Variants in NRP1 observed in about 807,000 individuals in gnomAD.
NRP1 encodes the protein neuropilin 1.
A neutral mutation model predicts 106.7 loss-of-function variants in NRP1; 35 were observed. The ratio of observed to expected loss-of-function variants is 0.33; its 90% CI spans 0.25 to 0.43. The LOEUF (loss-of-function observed/expected upper bound fraction) is 0.43, where lower values mean the gene tolerates loss of function less well. Among genes scored for constraint, NRP1 ranks in the 20% least tolerant of loss-of-function variants. NRP1 has a pLI of 1.00. For missense variants in NRP1, 1,024 were observed against 1,170.4 expected (o/e 0.87, Z 1.83); for synonymous variants, 437 against 417.9 (o/e 1.05, Z -0.56).
chr10:33,308,393 G>A (rs1846323089), intron 2 of NRP1, among the ~76,000 whole-genome samples: 1 of 149,292 alleles, frequency 6.7e-6, no homozygotes, highest in Admixed American at 6.7e-5. Context: ...ACATATATAT[G>A]TATATAATAT....
chr10:33,294,763 G>A (rs577735330), intron 2 of NRP1, among the ~76,000 whole-genome samples: 3 of 152,256 alleles, frequency 2.0e-5, no homozygotes, highest in African/African-American at 7.2e-5. Flanking sequence ...CAGGCGTAAG[G>A]GAACCTGGGA....
chr10:33,273,504 C>T (rs755076322), intron 2 of NRP1, among the ~76,000 whole-genome samples: 11 of 152,218 alleles, frequency 7.2e-5, no homozygotes, highest in Non-Finnish European at 4.4e-5. Context: ...ACCCAGCCTG[C>T]ATTGGCCTGA....
At chr10:33,258,725 G>C (rs1842369791) in intron 4 of NRP1, among the ~76,000 whole-genome samples, 1 of 152,184 alleles carries the variant, frequency 6.6e-6, no homozygotes, top group East Asian at 1.9e-4. Context: ...TCTTCATTCT[G>C]GATGTGGCCC....
At chr10:33,286,471 GT>G (rs775169611) in intron 2 of NRP1, among the ~76,000 whole-genome samples, 89 of 152,174 alleles carry the variant, frequency 5.8e-4, no homozygotes, top group Admixed American at 1.0e-3. Context: ...GTAGAGTCTT[GT>G]GATGAGAATG....
At chr10:33,191,868 C>T (rs1355978363) in intron 13 of NRP1, among the ~76,000 whole-genome samples, 3 of 149,414 alleles carry the variant, frequency 2.0e-5, no homozygotes, top group Non-Finnish European at 4.4e-5. Flanking sequence ...ATCCCAGGTA[C>T]TTGGGAGGCT....
intron 15 of NRP1, among the ~76,000 whole-genome samples, chr10:33,185,422 GA>G (rs1835936131): frequency 6.6e-6 from 1 of 152,204 alleles, no homozygotes; most frequent in African/African-American, 2.4e-5. Context: ...CAGCCATTAT[GA>G]AGGACCTAGG....
At position 33,221,843 on chromosome 10, in the gene NRP1, G is replaced by A. The variant is rs768452688; in HGVS notation, c.1158C>T (p.Asn386=). ...NKPVLFQGNT[N]PTDVVVAVFP... is the part of the protein sequence containing the mutation. The stretch of plus-strand genomic sequence containing the variant: ...ATACTGCAACCACAACATCTGTGGG[G>A]TTGGTGTTTCCCTGAAAGAGCTGTA... Residue 386 remains asparagine (N), a synonymous_variant, in exon 8 of 17, where the codon AAC becomes AAT. Transcript: ENST00000374867. 3 of 1,612,736 alleles carry A rather than the reference G, an allele frequency of 1.9e-6. No individual in the cohort carries two copies. The highest frequency in any genetic ancestry group is 2.7e-5 in the African/African-American group (2 of 75,024).
At chr10:33,305,554 T>A (rs187745379) in intron 2 of NRP1, among the ~76,000 whole-genome samples, 1 of 152,224 alleles carries the variant, frequency 6.6e-6, no homozygotes, top group East Asian at 1.9e-4. Context: ...GGGAACCAAG[T>A]TCTCACTGTG....
chr10:33,249,553 G>C (rs1347676119), intron 6 of NRP1: 1 of 516,240 alleles, frequency 1.9e-6, no homozygotes, highest in Non-Finnish European at 3.9e-6. Context: ...TTGCATCCTA[G>C]AATGATTAAC....
At chr10:33,186,952 G>C (rs1036153585) in intron 13 of NRP1, among the ~76,000 whole-genome samples, 1 of 152,102 alleles carries the variant, frequency 6.6e-6, no homozygotes, top group African/African-American at 2.4e-5. Context: ...CAAACTCCTT[G>C]GTTCAAGTGA....
intron 12 of NRP1, among the ~76,000 whole-genome samples, chr10:33,193,531 G>T (rs1226740565): frequency 6.6e-6 from 1 of 152,144 alleles, no homozygotes; most frequent in Admixed American, 6.5e-5. Flanking sequence ...TCCACGAGGT[G>T]GCAGCATTGA....
intron 2 of NRP1, among the ~76,000 whole-genome samples, chr10:33,308,598 T>G (rs1846340067): frequency 1.3e-5 from 2 of 151,988 alleles, no homozygotes; most frequent in African/African-American, 4.8e-5. Flanking sequence ...GTGAGTCTCC[T>G]GCCTCAGCCT....
chr10:33,177,944 A>T lies in NRP1; in HGVS notation c.*2132T>A, dbSNP rs1430085162. 1 of 152,654 alleles carries T rather than the reference A, an allele frequency of 6.6e-6. No individual in the cohort carries two copies. Among genetic ancestry groups the T allele is most frequent in the East Asian group, 1.9e-4 (1 of 5,204 alleles). 9.5% of individuals were successfully genotyped at this position (152,654 alleles called of 1,614,324 possible). ...TTTTAAATATATTTATCAGTGCAAG[A>T]TACTTTAAATTTTAAAGTTGCAGTA... On this transcript the variant is annotated 3_prime_UTR_variant, in exon 17 of 17. Transcript: ENST00000374867.
chr10:33,221,918 T>G (rs1564396464), intron 7 of NRP1, 55 bp from the exon 8 acceptor site: 2 of 1,550,624 alleles, frequency 1.3e-6, no homozygotes, highest in Non-Finnish European at 1.8e-6. Context: ...TTTAAATCCA[T>G]AAATGTGTTT....
At chr10:33,289,474 T>C (rs900994450) in intron 2 of NRP1, among the ~76,000 whole-genome samples, 2 of 152,340 alleles carry the variant, frequency 1.3e-5, no homozygotes, top group African/African-American at 2.4e-5. Context: ...CACGTCATCA[T>C]GACTCCTGTT....
At chr10:33,334,022 A>G (rs943557468) in intron 1 of NRP1, among the ~76,000 whole-genome samples, 16 of 152,198 alleles carry the variant, frequency 1.1e-4, no homozygotes, top group Non-Finnish European at 2.1e-4. Context: ...TTATTAAGAT[A>G]ATTGGCATGC....
chr10:33,220,835 A>G (rs1185990822), intron 8 of NRP1, among the ~76,000 whole-genome samples: 2 of 132,128 alleles, frequency 1.5e-5, no homozygotes, highest in Non-Finnish European at 3.1e-5. Flanking sequence ...TGGGAGGTGG[A>G]GGTTGCCATG....
At chr10:33,286,829 A>G (rs1378829284) in intron 2 of NRP1, among the ~76,000 whole-genome samples, 1 of 152,064 alleles carries the variant, frequency 6.6e-6, no homozygotes, top group African/African-American at 2.4e-5. Flanking sequence ...AGGCAATTTC[A>G]TGCCAAATCT....
chr10:33,308,955 GTTC>G (rs1176947836), intron 2 of NRP1, among the ~76,000 whole-genome samples: 1 of 151,962 alleles, frequency 6.6e-6, no homozygotes, highest in Non-Finnish European at 1.5e-5. Flanking sequence ...CCCAAATAAA[GTTC>G]TTCTTAATTT....
Sources: gnomAD v4.1 joint callset for allele counts (sites outside exome capture counted in the v4.1 genomes callset) on GRCh38, gnomAD v4.1.1 for gene constraint, MANE v1.5 for transcripts, NCBI Gene and HGNC (gene_info 2026-07-23, HGNC 2026-07-21) for gene names.